Variants in MYT1L observed in about 807,000 individuals in gnomAD.
MYT1L encodes myelin transcription factor 1-like protein.
MYT1L carries 12 observed loss-of-function variants against 126.7 expected under a neutral mutation model. The ratio of observed to expected loss-of-function variants is 0.09; its 90% CI spans 0.06 to 0.15. The LOEUF (loss-of-function observed/expected upper bound fraction) is 0.15. Among genes scored for constraint, MYT1L ranks in the 10% least tolerant of loss-of-function variants. MYT1L has a pLI of 1.00. For missense variants in MYT1L, 979 were observed against 1,585.2 expected (o/e 0.62, Z 6.49); for synonymous variants, 541 against 604.2 (o/e 0.90, Z 1.53).
At chr2:2,093,132 G>T (rs954561728) in intron 3 of MYT1L, among the ~76,000 whole-genome samples, 1 of 152,082 alleles carries the variant, frequency 6.6e-6, no homozygotes, top group Non-Finnish European at 1.5e-5. Context: ...CTTAAAGAGC[G>T]TTTTCATTAG....
At chr2:1,827,413 C>T (rs1182436069) in intron 21 of MYT1L, 1 of 152,210 alleles carries the variant, frequency 6.6e-6, no homozygotes, top group Non-Finnish European at 1.5e-5. Flanking sequence ...AAAGCTCCCA[C>T]CGGGCCTGGA....
At chr2:2,048,466 C>T (rs545911168) in intron 4 of MYT1L, among the ~76,000 whole-genome samples, 6 of 152,242 alleles carry the variant, frequency 3.9e-5, no homozygotes, top group African/African-American at 1.4e-4. Context: ...CTTCCATGGA[C>T]CTGTGGGGCA....
intron 1 of MYT1L, among the ~76,000 whole-genome samples, chr2:2,291,179 C>T (rs185260748): frequency 2.4e-4 from 36 of 152,016 alleles, no homozygotes; most frequent in Non-Finnish European, 5.0e-4. Flanking sequence ...GCCTAAGAAG[C>T]GAGAATGATG....
At chr2:1,828,461 C>A (rs2148239320) in intron 21 of MYT1L, 1 of 152,328 alleles carries the variant, frequency 6.6e-6, no homozygotes, top group South Asian at 2.1e-4. Context: ...TGGGATCCTC[C>A]ACGTTCTCTT....
intron 21 of MYT1L, chr2:1,809,960 A>C (rs2036326102): frequency 6.6e-6 from 1 of 152,098 alleles, no homozygotes; most frequent in African/African-American, 2.4e-5. Context: ...CGCCTCTTCC[A>C]TGCAGTCCCG....
rs200199250 is a variant in MYT1L, at chr2:2,274,140, G to A, written c.-421+10264C>T. 1.2e-4 allele frequency among the ~76,000 whole-genome samples: 18 copies of A among 152,228 alleles called. No individual in the cohort carries two copies. The East Asian group carries it at 3.5e-3, about 29-fold the overall frequency. On this transcript the variant is annotated intron_variant, in intron 2 of 24. Coordinates refer to ENST00000647738, the MANE Select transcript of MYT1L (RefSeq NM_001303052.2). ...ATGTTTCAAAATAGCTAGAAAAGAA[G>A]AATTGTAATGTTCCCAACACAGAAA...
intron 21 of MYT1L, among the ~76,000 whole-genome samples, chr2:1,818,692 G>C (rs1440868781): frequency 1.3e-5 from 2 of 152,134 alleles, no homozygotes; most frequent in African/African-American, 4.8e-5. Context: ...CAGCATATGT[G>C]AGGAAGGGCA....
At chr2:2,305,610 G>T (rs1276700612) in intron 1 of MYT1L, among the ~76,000 whole-genome samples, 4 of 152,150 alleles carry the variant, frequency 2.6e-5, no homozygotes, top group Non-Finnish European at 4.4e-5. Flanking sequence ...AACTACCTGA[G>T]ACTGGGAAAT....
At chr2:2,003,530 G>A (rs2062625739) in intron 4 of MYT1L, among the ~76,000 whole-genome samples, 1 of 152,180 alleles carries the variant, frequency 6.6e-6, no homozygotes, top group Non-Finnish European at 1.5e-5. Context: ...ATGGACCATG[G>A]CCTGTGGGCC....
intron 5 of MYT1L, among the ~76,000 whole-genome samples, chr2:1,996,695 G>A (rs1413744565): frequency 7.3e-6 from 1 of 136,284 alleles, no homozygotes; most frequent in Non-Finnish European, 1.5e-5. Context: ...ACAGAACCGA[G>A]TGTAGATGGG....
intron 2 of MYT1L, among the ~76,000 whole-genome samples, chr2:2,227,024 C>T (rs2094026847): frequency 6.6e-6 from 1 of 152,098 alleles, no homozygotes; most frequent in African/African-American, 2.4e-5. Flanking sequence ...TTCCTGTGAG[C>T]AGAACTCAAC....
intron 2 of MYT1L, among the ~76,000 whole-genome samples, chr2:2,208,120 T>A (rs947228607): frequency 6.6e-6 from 1 of 151,268 alleles, no homozygotes; most frequent in African/African-American, 2.4e-5. Context: ...GTATCAACAA[T>A]CCAAGCAAGT....
intron 1 of MYT1L, among the ~76,000 whole-genome samples, chr2:2,292,388 A>G (rs1054706918): frequency 3.3e-5 from 5 of 152,246 alleles, no homozygotes; most frequent in Non-Finnish European, 7.3e-5. Flanking sequence ...TGAAATGCAC[A>G]AAAGACTTAC....
rs1036546984 is a variant in MYT1L, at chr2:1,852,153, C to A, written c.2712-450G>T. ...AGTCTGAACTCAGACCCCAGCACTG[C>A]AAAGGCACCCCTTCCACAGACTGGC... On this transcript the variant is annotated intron_variant, in intron 18 of 24. Transcript: ENST00000647738. This position sits in a 1 kb window ranked among gnomAD's most constrained non-coding sequence, Gnocchi z 4.0. Among the ~76,000 whole-genome samples, 1 of 152,180 alleles carries A rather than the reference C, an allele frequency of 6.6e-6. No individual in the cohort carries two copies. The highest frequency in any genetic ancestry group is 2.4e-5 in the African/African-American group (1 of 41,450).
intron 13 of MYT1L, among the ~76,000 whole-genome samples, chr2:1,909,197 C>T (rs1168576656): frequency 6.6e-6 from 1 of 152,196 alleles, no homozygotes; most frequent in African/African-American, 2.4e-5. Flanking sequence ...ACACAGCTCA[C>T]AGCAGCCTTG....
chr2:1,839,348 C>T lies in MYT1L; in HGVS notation c.2881G>A (p.Gly961Ser), dbSNP rs1443529083. 1.9e-6 allele frequency: 3 copies of T among 1,613,014 alleles called. No individual in the cohort carries two copies. The highest frequency in any genetic ancestry group is 1.7e-5 in the Admixed American group (1 of 60,014). Reference sequence around the variant, plus strand: ...TACTTCCCAGTGATGTGGCCCTGGCCGTCGCACCCGGGGACCGGACACCTG... The same window carrying T: ...TACTTCCCAGTGATGTGGCCCTGGCTGTCGCACCCGGGGACCGGACACCTG... ...PIRCPVPGCD[G>S]QGHITGKYAS... Residue 961 changes from glycine to serine, a missense_variant, in exon 21 of 25, where the codon GGC becomes AGC. Transcript: ENST00000647738.
chr2:2,078,890 T>C (rs1361668387), intron 3 of MYT1L, among the ~76,000 whole-genome samples: 2 of 152,224 alleles, frequency 1.3e-5, no homozygotes, highest in Non-Finnish European at 1.5e-5. Context: ...CAAATTCATA[T>C]GTTGAAATTC....
intron 3 of MYT1L, among the ~76,000 whole-genome samples, chr2:2,095,539 T>C (rs939814522): frequency 6.6e-6 from 1 of 152,152 alleles, no homozygotes; most frequent in Non-Finnish European, 1.5e-5. Flanking sequence ...GGAGCTATCC[T>C]GCGAGCCCCC....
chr2:2,111,021 G>A (rs924853298), intron 3 of MYT1L, among the ~76,000 whole-genome samples: 11 of 152,184 alleles, frequency 7.2e-5, no homozygotes, highest in South Asian at 4.1e-4. Flanking sequence ...TGGGAGGAAC[G>A]CGGCCCTGGA....
Sources: allele counts gnomAD v4.1 joint callset (sites outside exome capture counted in the v4.1 genomes callset), GRCh38; gene constraint gnomAD v4.1.1; non-coding constraint Gnocchi (gnomAD v3.1); transcripts MANE v1.5; gene names NCBI Gene and HGNC (gene_info 2026-07-23, HGNC 2026-07-21).